The following NXPE2 variants were observed in gnomAD, a reference collection of about 807,000 sequenced individuals.
The protein encoded by NXPE2 is neurexophilin and PC-esterase domain family member 2.
A neutral mutation model predicts 34.4 loss-of-function variants in NXPE2; 34 were observed. The observed-to-expected ratio is 0.99, with a 90% CI of 0.75 to 1.31. The LOEUF is 1.31. NXPE2 is among the 40% of genes most tolerant of loss of function. NXPE2 has a pLI of 0.00. For synonymous variants in NXPE2, 235 were observed against 231.3 expected (o/e 1.02, Z -0.15); for missense variants, 649 against 672.5 (o/e 0.97, Z 0.39).
At chr11:114,702,909 T>C (rs1951392841) in intron 3 of NXPE2, among the ~76,000 whole-genome samples, 1 of 152,182 alleles carries the variant, frequency 6.6e-6, no homozygotes, top group Non-Finnish European at 1.5e-5. Context: ...TAGAAAGGGC[T>C]TTCTCTATCC....
chr11:114,751,503 C>T, the NXPE2 span, among the ~76,000 whole-genome samples: 1 of 151,986 alleles, frequency 6.6e-6, no homozygotes, highest in African/African-American at 2.4e-5. Context: ...ACCTACCTAC[C>T]CTCATTTTTA....
chr11:114,499,063 A>G, the NXPE2 span, among the ~76,000 whole-genome samples: 1 of 152,110 alleles, frequency 6.6e-6, no homozygotes, highest in South Asian at 2.1e-4. Flanking sequence ...AACTTCTCCC[A>G]TGGTTATTGA....
At chr11:114,503,121 A>T in the NXPE2 span, among the ~76,000 whole-genome samples, 1 of 152,082 alleles carries the variant, frequency 6.6e-6, no homozygotes, top group African/African-American at 2.4e-5. Context: ...GCAGGCCAAG[A>T]AAAAAGCTTC....
the NXPE2 span, among the ~76,000 whole-genome samples, chr11:114,507,406 T>C: frequency 1.3e-5 from 2 of 152,164 alleles, no homozygotes; most frequent in African/African-American, 4.8e-5. Context: ...TTCATACTGA[T>C]ACCAAAACCT....
chr11:114,540,574 T>C, the NXPE2 span, among the ~76,000 whole-genome samples: 1 of 152,156 alleles, frequency 6.6e-6, no homozygotes, highest in Non-Finnish European at 1.5e-5. Context: ...GAAATAATTT[T>C]TTTTTAAGTA....
At chr11:114,487,950 T>A in the NXPE2 span, among the ~76,000 whole-genome samples, 2 of 152,212 alleles carry the variant, frequency 1.3e-5, no homozygotes, top group Non-Finnish European at 2.9e-5. Context: ...ATCAGTGATA[T>A]TGACCTTTAG....
Position 114,704,013 on chromosome 11 carries a change from A to T in NXPE2, c.889A>T (p.Met297Leu), listed in dbSNP as rs1409506537. Residue 297 changes from methionine to leucine, a missense_variant, in exon 4 of 6, where the codon ATG (methionine) becomes TTG (leucine). By Grantham distance (15) the Met-to-Leu change is conservative. Transcript: ENST00000389586. The part of the protein sequence containing the change: ...FHRSNIGVEM[M>L]KNFTPIEVIP... ...CAGGTCCAACATAGGAGTTGAAATG[A>T]TGAAGAACTTTACCCCCATTGAGGT... The T allele has an allele frequency of 1.3e-6, 2 of 1,551,968 alleles. No individual in the cohort carries two copies. The highest frequency in any genetic ancestry group is 3.9e-5 in the Admixed American group (2 of 51,008).
At chr11:114,648,371 C>T in the NXPE2 span, among the ~76,000 whole-genome samples, 1 of 152,178 alleles carries the variant, frequency 6.6e-6, no homozygotes, top group African/African-American at 2.4e-5. Context: ...AAACCCATAT[C>T]TCAGTGTGAA....
chr11:114,746,594 G>A, the NXPE2 span, among the ~76,000 whole-genome samples: 4 of 152,168 alleles, frequency 2.6e-5, no homozygotes, highest in Admixed American at 2.0e-4. Context: ...GCTCATGCCT[G>A]TAATCCCAAC....
the NXPE2 span, among the ~76,000 whole-genome samples, chr11:114,523,339 A>C: frequency 6.6e-6 from 1 of 152,118 alleles, no homozygotes; most frequent in Admixed American, 6.6e-5. Context: ...GTCATGAGCT[A>C]AATCTTGACG....
chr11:114,647,239 T>A, the NXPE2 span, among the ~76,000 whole-genome samples: 6 of 152,232 alleles, frequency 3.9e-5, no homozygotes, highest in Non-Finnish European at 8.8e-5. Flanking sequence ...AATGTCTCAC[T>A]TAAGATTTTG....
chr11:114,705,279 G>T (rs977560848), intron 4 of NXPE2, among the ~76,000 whole-genome samples: 1 of 152,190 alleles, frequency 6.6e-6, no homozygotes, highest in Admixed American at 6.5e-5. Context: ...TTTAAAAAAA[G>T]TATTAGCCAG....
At chr11:114,470,183 TG>T in the NXPE2 span, among the ~76,000 whole-genome samples, 52 of 152,256 alleles carry the variant, frequency 3.4e-4, no homozygotes, top group Non-Finnish European at 6.3e-4. Context: ...TATGGACATA[TG>T]TTTTTTTTTC....
At chr11:114,536,897 G>A in the NXPE2 span, among the ~76,000 whole-genome samples, 47 of 151,818 alleles carry the variant, frequency 3.1e-4, 1 homozygote, top group Admixed American at 7.2e-4. Context: ...ATTCCAATCA[G>A]TAGAAAACGG....
the NXPE2 span, chr11:114,554,042 TC>T: frequency 1.0e-6 from 1 of 985,506 alleles, no homozygotes. Context: ...CTTTTTCTTC[TC>T]CCCATCTTTG....
At chr11:114,602,498 C>T in the NXPE2 span, among the ~76,000 whole-genome samples, 1 of 134,930 alleles carries the variant, frequency 7.4e-6, no homozygotes, top group Admixed American at 8.1e-5. Flanking sequence ...TATATTATCC[C>T]ATATGTAAAT....
At chr11:114,633,797 C>T in the NXPE2 span, among the ~76,000 whole-genome samples, 1 of 151,874 alleles carries the variant, frequency 6.6e-6, no homozygotes, top group Admixed American at 6.6e-5. Context: ...TGTGAACTCA[C>T]CATTTTTTAT....
At chr11:114,786,365 C>CCG in the NXPE2 span, among the ~76,000 whole-genome samples, 2 of 130,938 alleles carry the variant, frequency 1.5e-5, no homozygotes, top group African/African-American at 5.5e-5. Flanking sequence ...ACCCCCGCCC[C>CCG]CCGCCCCACC....
the NXPE2 span, among the ~76,000 whole-genome samples, chr11:114,563,231 G>A: frequency 6.6e-6 from 1 of 152,246 alleles, no homozygotes; most frequent in Admixed American, 6.5e-5. Context: ...AGGCAATAAA[G>A]ATGAGGGCAA....
Sources: gnomAD v4.1 joint callset for allele counts (sites outside exome capture counted in the v4.1 genomes callset) on GRCh38, gnomAD v4.1.1 for gene constraint, MANE v1.5 for transcripts, NCBI Gene and HGNC (gene_info 2026-07-23, HGNC 2026-07-21) for gene names.